UVRAG: variants seen among roughly 807,000 people sequenced by gnomAD.
UVRAG encodes UV radiation resistance-associated gene protein.
Under a neutral mutation model 78.0 loss-of-function variants are expected in UVRAG, and 19 were observed. The ratio of observed to expected loss-of-function variants is 0.24; its 90% CI spans 0.17 to 0.36. The LOEUF (loss-of-function observed/expected upper bound fraction) is 0.36, where lower values mean the gene tolerates loss of function less well. Ranked by LOEUF, UVRAG falls within the 10% of genes least tolerant of loss-of-function variation. UVRAG has a pLI of 1.00. For synonymous variants in UVRAG, 323 were observed against 324.6 expected, an observed-to-expected ratio of 1.00 and a Z score of 0.05; for missense variants, 740 against 853.8, an observed-to-expected ratio of 0.87 and a Z score of 1.66.
chr11:75,892,244 T>C (rs1947227560), intron 5 of UVRAG: 1 of 790,132 alleles, frequency 1.3e-6, no homozygotes, highest in African/African-American at 1.9e-5. Flanking sequence ...GGTCCATCTC[T>C]GAAGCCCAGC....
At chr11:75,931,760 C>T (rs1456566087) in intron 6 of UVRAG, among the ~76,000 whole-genome samples, 1 of 152,056 alleles carries the variant, frequency 6.6e-6, no homozygotes, top group African/African-American at 2.4e-5. Flanking sequence ...GAGGAATTTA[C>T]CACATTTATA....
At chr11:76,127,841 C>G (rs946984886) in intron 14 of UVRAG, among the ~76,000 whole-genome samples, 3 of 151,732 alleles carry the variant, frequency 2.0e-5, no homozygotes, top group Admixed American at 1.3e-4. Flanking sequence ...CCTGTAATCC[C>G]AGCTACTTGG....
chr11:75,991,304 G>A (rs1266509367), intron 8 of UVRAG, among the ~76,000 whole-genome samples: 1 of 152,042 alleles, frequency 6.6e-6, no homozygotes, highest in Non-Finnish European at 1.5e-5. Context: ...TACTTACATT[G>A]CCTGCTATCT....
At chr11:75,843,859 TGAGGCAGGAGAATCTCTTGAGCCCAG>T (rs1472191267) in intron 1 of UVRAG, among the ~76,000 whole-genome samples, 1 of 151,356 alleles carries the variant, frequency 6.6e-6, no homozygotes, top group African/African-American at 2.4e-5. Flanking sequence ...CTCAGGAGGC[TGAGGCAGGAGAATCTCTTGAGCCCAG>T]GAGGCAGAGG....
At chr11:75,890,195 G>A (rs1024035013) in intron 5 of UVRAG, among the ~76,000 whole-genome samples, 1 of 152,200 alleles carries the variant, frequency 6.6e-6, no homozygotes, top group African/African-American at 2.4e-5. Flanking sequence ...TTTGTGAAAG[G>A]AGTTTTAGCA....
chr11:76,042,218 G>A (rs1202300504), intron 12 of UVRAG, among the ~76,000 whole-genome samples: 1 of 152,082 alleles, frequency 6.6e-6, no homozygotes, highest in Non-Finnish European at 1.5e-5. Flanking sequence ...TACTAATCAG[G>A]AGTTCAAAGG....
At chr11:75,998,909 A>G (rs373022684) in intron 8 of UVRAG, among the ~76,000 whole-genome samples, 3 of 152,178 alleles carry the variant, frequency 2.0e-5, no homozygotes, top group East Asian at 1.9e-4. Flanking sequence ...TGCCTTGGAC[A>G]TTTTCTCTTC....
chr11:75,954,608 T>C (rs1027346946), intron 6 of UVRAG, among the ~76,000 whole-genome samples: 1 of 152,228 alleles, frequency 6.6e-6, no homozygotes, highest in African/African-American at 2.4e-5. Context: ...ATGTCAAAAA[T>C]GTCAAATTTT....
chr11:76,007,262 T>C (rs185258814), intron 9 of UVRAG, among the ~76,000 whole-genome samples: 10 of 152,168 alleles, frequency 6.6e-5, no homozygotes, highest in African/African-American at 2.4e-4. Flanking sequence ...GTGCTGGGAT[T>C]ATGGGAGTGA....
At chr11:75,989,193 T>A (rs1949557670) in intron 8 of UVRAG, among the ~76,000 whole-genome samples, 1 of 152,142 alleles carries the variant, frequency 6.6e-6, no homozygotes, top group African/African-American at 2.4e-5. Context: ...TAGCTAGGAT[T>A]ACAGGCGTGT....
Position 75,977,537 on chromosome 11 carries a change from T to G in UVRAG, c.700-5850T>G, listed in dbSNP as rs543007578. Among the ~76,000 whole-genome samples, 10 of 152,312 alleles carry G rather than the reference T, an allele frequency of 6.6e-5. No individual in the cohort carries two copies. In the South Asian group the frequency reaches 1.7e-3, roughly 25 times the overall value. On this transcript the variant is annotated intron_variant, in intron 7 of 14. Coordinates refer to ENST00000356136, the MANE Select transcript of UVRAG (RefSeq NM_003369.4). ...CTTTGTAGGTCTCTAAGGACTTGCT[T>G]TATTAATCTGGGTGCTCCTGTATTG...
At chr11:75,883,443 T>G (rs1258435419) in intron 4 of UVRAG, among the ~76,000 whole-genome samples, 1 of 150,682 alleles carries the variant, frequency 6.6e-6, no homozygotes, top group African/African-American at 2.4e-5. Flanking sequence ...CTTAAGATCA[T>G]TGTAGAAAGT....
intron 4 of UVRAG, among the ~76,000 whole-genome samples, chr11:75,880,700 A>T (rs1315006533): frequency 6.6e-6 from 1 of 151,970 alleles, no homozygotes; most frequent in African/African-American, 2.4e-5. Flanking sequence ...GATTACAGGC[A>T]TGTGCCACCA....
chr11:76,048,384 A>G (rs1344055524), intron 12 of UVRAG, among the ~76,000 whole-genome samples: 1 of 152,252 alleles, frequency 6.6e-6, no homozygotes, highest in Non-Finnish European at 1.5e-5. Flanking sequence ...AGGCTATAAA[A>G]TAAAATGAGA....
chr11:76,104,982 G>C (rs998029442), intron 13 of UVRAG, among the ~76,000 whole-genome samples: 1 of 152,134 alleles, frequency 6.6e-6, no homozygotes, highest in Non-Finnish European at 1.5e-5. Flanking sequence ...TTGCTTATAG[G>C]ATTGTGTTAC....
At chr11:76,032,535 T>C (rs1303075869) in intron 12 of UVRAG, among the ~76,000 whole-genome samples, 1 of 152,202 alleles carries the variant, frequency 6.6e-6, no homozygotes, top group African/African-American at 2.4e-5. Flanking sequence ...TAGGACATAC[T>C]AGTCACTGCA....
chr11:75,955,532 TAA>T (rs1948777357), intron 6 of UVRAG, among the ~76,000 whole-genome samples: 1 of 152,074 alleles, frequency 6.6e-6, no homozygotes. Flanking sequence ...AAAACCGAGG[TAA>T]AATTCACACA....
intron 13 of UVRAG, among the ~76,000 whole-genome samples, chr11:76,088,781 C>T (rs1317483664): frequency 1.3e-5 from 2 of 152,204 alleles, no homozygotes; most frequent in Admixed American, 1.3e-4. Context: ...TGAAGCCTTT[C>T]TTTGCCCTCC....
chr11:75,883,366 G>GACCAAAAA (rs796973314), intron 4 of UVRAG, among the ~76,000 whole-genome samples: 1 of 30,816 alleles, frequency 3.2e-5, no homozygotes, highest in African/African-American at 1.4e-4. Flanking sequence ...GAGTAACAGA[G>GACCAAAAA]AACAAAAAAA....
Sources: allele counts gnomAD v4.1 joint callset (sites outside exome capture counted in the v4.1 genomes callset), GRCh38; gene constraint gnomAD v4.1.1; transcripts MANE v1.5; gene names NCBI Gene and HGNC (gene_info 2026-07-23, HGNC 2026-07-21).